LRRC43: variants seen among roughly 807,000 people sequenced by gnomAD.
The protein encoded by LRRC43 is leucine rich repeat containing 43.
LRRC43 carries 62 observed loss-of-function variants against 64.3 expected under a neutral mutation model. The observed-to-expected ratio is 0.96, with a 90% CI of 0.79 to 1.19. The LOEUF (loss-of-function observed/expected upper bound fraction) is 1.19. Ranked by LOEUF, LRRC43 falls within the 50% of genes most tolerant of loss-of-function variation. The pLI, the probability that LRRC43 is intolerant of heterozygous loss-of-function variation, is 0.00. For synonymous variants in LRRC43, 422 were observed against 382.3 expected (o/e 1.10, Z -1.21); for missense variants, 868 against 845.0 (o/e 1.03, Z -0.34).
At chr12:122,196,534 G>A (rs1233611539) in intron 7 of LRRC43, among the ~76,000 whole-genome samples, 15 of 152,140 alleles carry the variant, frequency 9.9e-5, no homozygotes, top group Non-Finnish European at 1.2e-4. Context: ...TTGGGAGGCC[G>A]AGGCAGGCAG....
chr12:122,200,596 G>A lies in LRRC43; in HGVS notation c.1556G>A (p.Gly519Glu), dbSNP rs757921206. The A allele has an allele frequency of 6.2e-7, 1 of 1,614,170 alleles. No homozygotes were observed. Among genetic ancestry groups the A allele is most frequent in the East Asian group, 2.2e-5 (1 of 44,874 alleles). The change falls in exon 9 of 12, where the codon GGG (glycine) becomes GAG (glutamate). Residue 519 changes from glycine to glutamate, a missense_variant. Gly to Glu is a moderately conservative substitution (Grantham distance 98). Coordinates refer to ENST00000339777, the MANE Select transcript of LRRC43 (RefSeq NM_001098519.2). This position sits in a 1 kb window ranked among gnomAD's most constrained non-coding sequence, Gnocchi z 4.6. The part of the protein sequence containing the change: ...DSPLSAKKGK[G>E]EKDKKGKEKD... ...CCCCTGTCTGCCAAGAAAGGAAAGGGGGAGAAAGACAAGAAAGGGAAGGAG... is the reference window on the plus strand; with the variant it reads ...CCCCTGTCTGCCAAGAAAGGAAAGGAGGAGAAAGACAAGAAAGGGAAGGAG...
chr12:122,197,516 T>G (rs545215019), intron 7 of LRRC43, among the ~76,000 whole-genome samples: 1 of 152,180 alleles, frequency 6.6e-6, no homozygotes, highest in Admixed American at 6.5e-5. Context: ...AGTGTGACTT[T>G]CTAGGTGCCT....
Position 122,184,439 on chromosome 12 carries a change from G to T in LRRC43, c.151-80G>T. On this transcript the variant is annotated intron_variant, in intron 1 of 11. Transcript: ENST00000339777. The surrounding 1 kb of genome is among the most constrained non-coding windows in gnomAD (Gnocchi z 4.0). Reference sequence around the variant, plus strand: ...TCTATCCCTAATCGTCCAGTTTTATGATCTGTTCTGTTTTGAGAGTTTGGT... The same window carrying T: ...TCTATCCCTAATCGTCCAGTTTTATTATCTGTTCTGTTTTGAGAGTTTGGT... 3.3e-6 allele frequency: 5 copies of T among 1,511,486 alleles called. No homozygotes were observed. The highest frequency in any genetic ancestry group is 1.2e-5 in the South Asian group (1 of 80,278). The allele number at this position is 1,511,486 out of a possible 1,614,324, so 93.6% of individuals were successfully genotyped here.
At chr12:122,191,874 G>A (rs946595826) in intron 6 of LRRC43, among the ~76,000 whole-genome samples, 1 of 152,048 alleles carries the variant, frequency 6.6e-6, no homozygotes, top group African/African-American at 2.4e-5. Flanking sequence ...GGCTGGTCTG[G>A]AACTCCTGAG....
At chr12:122,168,456 A>T (rs1428288676) in intron 1 of LRRC43, among the ~76,000 whole-genome samples, 1 of 151,050 alleles carries the variant, frequency 6.6e-6, no homozygotes. Flanking sequence ...AAAAAAAAAA[A>T]GAGGTGGGTT....
intron 7 of LRRC43, among the ~76,000 whole-genome samples, chr12:122,199,073 G>A (rs1953804047): frequency 6.6e-6 from 1 of 151,468 alleles, no homozygotes; most frequent in African/African-American, 2.4e-5. Flanking sequence ...CACCTCCCAG[G>A]TTCAACGTTC....
chr12:122,167,866 G>A (rs907723540), intron 1 of LRRC43: 1 of 150,708 alleles, frequency 6.6e-6, no homozygotes, highest in Non-Finnish European at 1.5e-5. Context: ...CCAGGCTGGA[G>A]TGCAGTGGTG....
At chr12:122,178,539 T>C (rs1953556080), upstream of LRRC43, among the ~76,000 whole-genome samples, 1 of 149,832 alleles carries the variant, frequency 6.7e-6, no homozygotes. Context: ...TGTGGATGGG[T>C]TGTAGAAATG....
intron 1 of LRRC43, chr12:122,172,829 C>A (rs1953499511): frequency 9.7e-7 from 1 of 1,031,136 alleles, no homozygotes; most frequent in Non-Finnish European, 1.4e-6. Flanking sequence ...TCCTCCGTAA[C>A]CCGCCTCGTT....
chr12:122,201,370 G>A lies in LRRC43; in HGVS notation c.1843+41G>A, dbSNP rs768469987. On this transcript the variant is annotated intron_variant, in intron 11 of 11. Transcript: ENST00000339777. ...GGTGACCAAAGGCAGGGATTGTCAG[G>A]AGGACCTGCTGAGGGCCAGCCCTGG... 48 of 1,602,596 alleles carry A rather than the reference G, an allele frequency of 3.0e-5. No individual in the cohort carries two copies. The East Asian group carries it at 1.0e-3, about 34-fold the overall frequency.
chr12:122,183,118 CGG>C (rs1953597393), upstream of LRRC43: 3 of 1,528,268 alleles, frequency 2.0e-6, no homozygotes, highest in Non-Finnish European at 2.6e-6. Context: ...CGCGTCCTAG[CGG>C]TTGCCGGGCA....
chr12:122,183,525 T>G (rs1156772421), intron 1 of LRRC43, among the ~76,000 whole-genome samples: 15 of 152,236 alleles, frequency 9.9e-5, no homozygotes, highest in Admixed American at 6.5e-4. Flanking sequence ...GGCTGGGGCC[T>G]CTCCCTGACT....
In LRRC43 at chr12:122,184,847, C is replaced by T; in HGVS notation, c.411+68C>T. The T allele has an allele frequency of 1.3e-6, 2 of 1,487,324 alleles. No individual in the cohort carries two copies. Among genetic ancestry groups the T allele is most frequent in the South Asian group, 1.2e-5 (1 of 81,572 alleles). 92.1% of individuals were successfully genotyped at this position (1,487,324 alleles called of 1,614,324 possible). On this transcript the variant is annotated intron_variant, in intron 2 of 11. Transcript: ENST00000339777. This position sits in a 1 kb window ranked among gnomAD's most constrained non-coding sequence, Gnocchi z 4.0. ...CCCCTAAGGGAGGTTGTGGGGAGGGCACCCTTCCCCACAGCGCGTCAGGGA... is the reference window on the plus strand; with the variant it reads ...CCCCTAAGGGAGGTTGTGGGGAGGGTACCCTTCCCCACAGCGCGTCAGGGA...
chr12:122,173,130 C>G (rs973525144), intron 1 of LRRC43, among the ~76,000 whole-genome samples: 1 of 152,116 alleles, frequency 6.6e-6, no homozygotes, highest in Non-Finnish European at 1.5e-5. Flanking sequence ...CCGGAAAGGC[C>G]TCCGAGATGC....
chr12:122,186,398 G>T (rs371216115), intron 3 of LRRC43, 98 bp downstream of exon 3: 4 of 730,268 alleles, frequency 5.5e-6, no homozygotes, highest in Non-Finnish European at 7.0e-6. Flanking sequence ...TGGGTGGAGG[G>T]TAAGGCCCAG....
At position 122,184,311 on chromosome 12, in the gene LRRC43, G is replaced by A. The variant is rs925296638; in HGVS notation, c.151-208G>A. Among the ~76,000 whole-genome samples, 1 of 152,080 alleles carries A rather than the reference G, an allele frequency of 6.6e-6. No individual in the cohort carries two copies. Among genetic ancestry groups the A allele is most frequent in the Non-Finnish European group, 1.5e-5 (1 of 68,010 alleles). ...GGGTTTCACCGTGTTAGCCAGGATG[G>A]CCTCGATCTCTTGACCTCATGATCC... On this transcript the variant is annotated intron_variant, in intron 1 of 11. Coordinates refer to ENST00000339777, the MANE Select transcript of LRRC43 (RefSeq NM_001098519.2). The surrounding 1 kb of genome is among the most constrained non-coding windows in gnomAD (Gnocchi z 4.0).
intron 1 of LRRC43, among the ~76,000 whole-genome samples, chr12:122,170,618 G>A (rs918500021): frequency 1.3e-5 from 2 of 152,028 alleles, no homozygotes; most frequent in Admixed American, 1.3e-4. Context: ...GTGACAGAGT[G>A]AGACTCTCCG....
chr12:122,193,042 G>A (rs1188850936), intron 7 of LRRC43, 38 bp downstream of exon 7: 2 of 1,604,380 alleles, frequency 1.2e-6, no homozygotes, highest in African/African-American at 1.3e-5. Context: ...AGTGGTCAGA[G>A]CAGTAGGGTC....
At position 122,184,694 on chromosome 12, in the gene LRRC43, G is replaced by A. The variant is rs201851503; in HGVS notation, c.326G>A (p.Arg109Lys). 1.1e-4 allele frequency: 182 copies of A among 1,613,988 alleles called. No homozygotes were observed. In the East Asian group the frequency reaches 3.8e-3, roughly 33 times the overall value. ...TCGAATGCAGAAGACAGTTTCCTGA[G>A]AGAATTGGCCATCCGGAACCCGCTG... Reference protein sequence around the residue: ...NNSNAEDSFLRELAIRNPLTI... With the variant: ...NNSNAEDSFLKELAIRNPLTI... The change falls in exon 2 of 12, where the codon AGA (arginine) becomes AAA (lysine). Residue 109 changes from arginine to lysine, a missense_variant. Coordinates refer to ENST00000339777, the MANE Select transcript of LRRC43 (RefSeq NM_001098519.2). The surrounding 1 kb of genome is among the most constrained non-coding windows in gnomAD (Gnocchi z 4.0).
Sources: gnomAD v4.1 joint callset for allele counts (sites outside exome capture counted in the v4.1 genomes callset) on GRCh38, gnomAD v4.1.1 for gene constraint, Gnocchi (gnomAD v3.1) non-coding constraint, MANE v1.5 for transcripts, NCBI Gene and HGNC (gene_info 2026-07-23, HGNC 2026-07-21) for gene names.